CCSER2: variants seen among roughly 807,000 people sequenced by gnomAD.
CCSER2 encodes the protein coiled-coil serine rich protein 2.
In CCSER2, 46 loss-of-function variants were observed where a neutral mutation model predicts 92.3. That is an observed-to-expected ratio of 0.50 (90% CI 0.39 to 0.64). The LOEUF (loss-of-function observed/expected upper bound fraction) is 0.64, where lower values mean the gene tolerates loss of function less well. Ranked by LOEUF, CCSER2 falls within the 30% of genes least tolerant of loss-of-function variation. The pLI is 0.00. For synonymous variants in CCSER2, 433 were observed against 431.4 expected, an observed-to-expected ratio of 1.00 and a Z score of -0.04; for missense variants, 1,244 against 1,238.9, an observed-to-expected ratio of 1.00 and a Z score of -0.06.
chr10:84,392,134 C>T, intron 3 of CCSER2: 3 of 627,756 alleles, frequency 4.8e-6, no homozygotes, highest in East Asian at 5.6e-5. Context: ...AAAATACTAC[C>T]CTTTACGGGG....
intron 3 of CCSER2, among the ~76,000 whole-genome samples, chr10:84,405,039 A>G (rs971133600): frequency 3.9e-5 from 6 of 152,196 alleles, no homozygotes; most frequent in African/African-American, 1.4e-4. Context: ...TGTTGGAAAA[A>G]GCAGAACAAA....
At chr10:84,510,799 G>C (rs1407839806) in intron 9 of CCSER2, among the ~76,000 whole-genome samples, 1 of 152,188 alleles carries the variant, frequency 6.6e-6, no homozygotes, top group Non-Finnish European at 1.5e-5. Flanking sequence ...GGGGTAATTA[G>C]CGGCAATCCA....
chr10:84,484,258 G>A lies in CCSER2; in HGVS notation c.2325+6594G>A, dbSNP rs1379400889. The stretch of plus-strand genomic sequence containing the variant: ...CCCAAAGTGCTGGGATTACAGGTGT[G>A]AGCCACCGCACCCAGCCCTAATTTC... On this transcript the variant is annotated intron_variant, in intron 9 of 9. Transcript: ENST00000372088. Among the ~76,000 whole-genome samples the A allele has an allele frequency of 4.0e-5, 6 of 151,872 alleles. No homozygotes were observed. In the South Asian group the frequency reaches 6.3e-4, roughly 16 times the overall value.
chr10:84,487,109 G>T (rs1438469303), intron 9 of CCSER2, among the ~76,000 whole-genome samples: 3 of 152,174 alleles, frequency 2.0e-5, no homozygotes, highest in Non-Finnish European at 4.4e-5. Context: ...CTATATCTCT[G>T]TTTTGATACC....
At chr10:84,379,693 A>G (rs886538980) in intron 3 of CCSER2, among the ~76,000 whole-genome samples, 1 of 152,184 alleles carries the variant, frequency 6.6e-6, no homozygotes, top group African/African-American at 2.4e-5. Flanking sequence ...TTATATATCC[A>G]TGAACAATAT....
At chr10:84,487,882 T>C (rs1349823386) in intron 9 of CCSER2, among the ~76,000 whole-genome samples, 4 of 152,236 alleles carry the variant, frequency 2.6e-5, no homozygotes, top group African/African-American at 7.2e-5. Flanking sequence ...GGGTTTTTCA[T>C]AAATAGTTCT....
intron 3 of CCSER2, among the ~76,000 whole-genome samples, chr10:84,410,272 A>G (rs1446167342): frequency 6.6e-6 from 1 of 152,198 alleles, no homozygotes; most frequent in African/African-American, 2.4e-5. Flanking sequence ...TTCTTCAATT[A>G]TATATCCAGT....
At chr10:84,391,541 T>C (rs1841519751) in intron 3 of CCSER2, 2 of 1,498,302 alleles carry the variant, frequency 1.3e-6, no homozygotes, top group East Asian at 4.5e-5. Flanking sequence ...AGAATTCATT[T>C]CAGTCTGCAA....
chr10:84,468,884 A>G (rs1422882290), intron 7 of CCSER2, among the ~76,000 whole-genome samples: 1 of 152,156 alleles, frequency 6.6e-6, no homozygotes, highest in African/African-American at 2.4e-5. Context: ...GTTAACTGCT[A>G]TGTCTGATGG....
At chr10:84,498,506 A>G (rs959475927) in intron 9 of CCSER2, among the ~76,000 whole-genome samples, 1 of 152,238 alleles carries the variant, frequency 6.6e-6, no homozygotes, top group South Asian at 2.1e-4. Context: ...ATATTGAACA[A>G]TGTGGGATCA....
intron 3 of CCSER2, among the ~76,000 whole-genome samples, chr10:84,395,542 C>T (rs1240970205): frequency 6.6e-6 from 1 of 152,146 alleles, no homozygotes; most frequent in Non-Finnish European, 1.5e-5. Flanking sequence ...TCTTCAACTT[C>T]TAGTGGCATT....
At chr10:84,399,860 C>T (rs1467863250) in intron 3 of CCSER2, among the ~76,000 whole-genome samples, 3 of 147,790 alleles carry the variant, frequency 2.0e-5, no homozygotes, top group African/African-American at 7.5e-5. Flanking sequence ...AATCACTTAA[C>T]CCTTTATGGA....
intron 3 of CCSER2, among the ~76,000 whole-genome samples, chr10:84,382,245 G>A (rs985929684): frequency 2.6e-5 from 4 of 152,146 alleles, no homozygotes; most frequent in African/African-American, 4.8e-5. Context: ...CTTCATGATA[G>A]CATCTTTTTT....
intron 3 of CCSER2, among the ~76,000 whole-genome samples, chr10:84,408,986 A>G (rs1189850963): frequency 6.6e-6 from 1 of 152,118 alleles, no homozygotes; most frequent in Non-Finnish European, 1.5e-5. Context: ...TTATTTTATT[A>G]TGTTTATTTA....
At chr10:84,501,853 A>ATATG (rs1848766943) in intron 9 of CCSER2, among the ~76,000 whole-genome samples, 1 of 111,982 alleles carries the variant, frequency 8.9e-6, no homozygotes, top group South Asian at 2.9e-4. Flanking sequence ...ATATATATAT[A>ATATG]TATATACTCA....
chr10:84,371,229 A>G lies in CCSER2; in HGVS notation c.177A>G (p.Pro59=). 1 of 1,613,304 alleles carries G rather than the reference A, an allele frequency of 6.2e-7. No homozygotes were observed. Among genetic ancestry groups the G allele is most frequent in the Non-Finnish European group, 8.5e-7 (1 of 1,179,624 alleles). The change falls in exon 2 of 10, where the codon CCA becomes CCG. Residue 59 remains proline, a synonymous_variant. Transcript: ENST00000372088. ...SYIKNNGSDC[P]SSHSFNWRKA... is the part of the protein sequence containing the mutation. Reference sequence around the variant, plus strand: ...TCAAAAATAATGGCTCTGATTGTCCATCATCTCATTCATTTAATTGGAGGA... The same window carrying G: ...TCAAAAATAATGGCTCTGATTGTCCGTCATCTCATTCATTTAATTGGAGGA...
At chr10:84,504,000 T>C (rs1412381727) in intron 9 of CCSER2, among the ~76,000 whole-genome samples, 1 of 152,220 alleles carries the variant, frequency 6.6e-6, no homozygotes, top group Non-Finnish European at 1.5e-5. Flanking sequence ...CCAGTATACA[T>C]TTACTGAGAG....
chr10:84,332,412 T>TATATATATATATATATA (rs1554828779), intron 1 of CCSER2, among the ~76,000 whole-genome samples: 3 of 82,274 alleles, frequency 3.6e-5, no homozygotes, highest in African/African-American at 1.8e-4. Flanking sequence ...ATTTATTTTT[T>TATATATATATATATATA]TATATATATA....
intron 5 of CCSER2, among the ~76,000 whole-genome samples, chr10:84,432,494 A>C (rs1025768942): frequency 2.0e-5 from 3 of 152,226 alleles, no homozygotes; most frequent in African/African-American, 7.2e-5. Context: ...ATAAGTGAGA[A>C]CATGTGGTAT....
Sources: gnomAD v4.1 joint callset for allele counts (sites outside exome capture counted in the v4.1 genomes callset) on GRCh38, gnomAD v4.1.1 for gene constraint, MANE v1.5 for transcripts, NCBI Gene and HGNC (gene_info 2026-07-23, HGNC 2026-07-21) for gene names.